Variants in WNK1 observed in about 807,000 individuals in gnomAD.
WNK1 encodes serine/threonine-protein kinase WNK1.
In WNK1, 38 loss-of-function variants were observed where a neutral mutation model predicts 222.8. That is an observed-to-expected ratio of 0.17 (90% confidence interval 0.13 to 0.22). The LOEUF (loss-of-function observed/expected upper bound fraction) is 0.22, where lower values mean the gene tolerates loss of function less well. Among genes scored for constraint, WNK1 ranks in the 10% least tolerant of loss-of-function variants. WNK1 has a pLI of 1.00. For synonymous variants in WNK1, 1,090 were observed against 1,092.9 expected, an observed-to-expected ratio of 1.00 and a Z score of 0.05; for missense variants, 2,348 against 2,918.4, an observed-to-expected ratio of 0.80 and a Z score of 4.50.
intron 2 of WNK1, among the ~76,000 whole-genome samples, chr12:825,414 T>C (rs1419657652): frequency 6.6e-6 from 1 of 152,202 alleles, no homozygotes; most frequent in African/African-American, 2.4e-5. Context: ...ACAATTTATT[T>C]AGGACTAATA....
intron 23 of WNK1, among the ~76,000 whole-genome samples, chr12:895,723 T>C (rs1241691261): frequency 6.6e-6 from 1 of 152,254 alleles, no homozygotes; most frequent in African/African-American, 2.4e-5. Context: ...CCTCCCAAAA[T>C]GGTGGGCTTA....
chr12:882,256 G>A (rs1484501854), intron 14 of WNK1, among the ~76,000 whole-genome samples, 183 bp downstream of exon 14: 3 of 152,128 alleles, frequency 2.0e-5, no homozygotes, highest in South Asian at 2.1e-4. Flanking sequence ...GAGTGCAGTG[G>A]CATGATCTCT....
chr12:785,404 C>CG (rs1555087973), intron 1 of WNK1, among the ~76,000 whole-genome samples: 1 of 39,456 alleles, frequency 2.5e-5, no homozygotes, highest in Admixed American at 2.9e-4. Context: ...TTTCTCCCCC[C>CG]CCCCCACCCC....
At chr12:866,600 T>TCCA (rs1951688903) in intron 8 of WNK1, among the ~76,000 whole-genome samples, 1 of 152,020 alleles carries the variant, frequency 6.6e-6, no homozygotes, top group African/African-American at 2.4e-5. Flanking sequence ...GACATTGTGA[T>TCCA]CCACCCCCTT....
intron 8 of WNK1, among the ~76,000 whole-genome samples, chr12:869,768 G>T (rs537460178): frequency 1.3e-5 from 2 of 151,308 alleles, no homozygotes; most frequent in African/African-American, 4.8e-5. Context: ...TAAAATTAAG[G>T]ACTGATTCTA....
intron 26 of WNK1, among the ~76,000 whole-genome samples, chr12:903,138 C>G (rs1158149034): frequency 1.3e-5 from 2 of 152,310 alleles, no homozygotes; most frequent in East Asian, 3.9e-4. Context: ...TTATTTTTAC[C>G]TGCATTAGAA....
intron 1 of WNK1, among the ~76,000 whole-genome samples, chr12:797,857 G>A (rs938978611): frequency 4.0e-5 from 6 of 150,942 alleles, no homozygotes; most frequent in Non-Finnish European, 5.9e-5. Context: ...GCTGAGACAG[G>A]ATAATCGCTT....
intron 9 of WNK1, among the ~76,000 whole-genome samples, chr12:877,344 C>T (rs1467061403): frequency 1.3e-5 from 2 of 152,008 alleles, no homozygotes; most frequent in South Asian, 2.1e-4. Context: ...GGATTACAGG[C>T]GTGAGCCACC....
chr12:883,947 G>A, intron 17 of WNK1, 116 bp downstream of exon 17: 1 of 1,492,818 alleles, frequency 6.7e-7, no homozygotes, highest in Non-Finnish European at 9.2e-7. Flanking sequence ...AGAATCGCTT[G>A]AACCCAGGAG....
chr12:863,101 TA>T (rs72648700), intron 8 of WNK1, among the ~76,000 whole-genome samples: 4,303 of 152,288 alleles, frequency 0.028, 207 homozygotes, highest in African/African-American at 0.097. Context: ...AGAAAATAAG[TA>T]ACTTGTCACT....
chr12:777,447 C>T (rs748822990), intron 1 of WNK1, among the ~76,000 whole-genome samples: 6 of 151,964 alleles, frequency 3.9e-5, no homozygotes, highest in African/African-American at 7.2e-5. Context: ...TGTGAGCCAC[C>T]GCGCCCAGCC....
chr12:896,894 AC>A lies in WNK1; in HGVS notation c.6245+163del, dbSNP rs1954782626. On this transcript the variant is annotated intron_variant, in intron 24 of 27. Coordinates refer to ENST00000315939, the MANE Select transcript of WNK1 (RefSeq NM_018979.4). ...CACCCCATACCTCCCCACCACACAC[AC>A]ACACACACACACACACACACACACA... 2.8e-3 allele frequency among the ~76,000 whole-genome samples: 3 copies of A among 1,074 alleles called. No individual in the cohort carries two copies. The South Asian group carries it at 0.11, about 38-fold the overall frequency. The allele number at this position is 1,074 out of a possible 152,430, so 0.7% of individuals were successfully genotyped here.
chr12:869,004 T>TA (rs1332322944), intron 8 of WNK1: 2 of 1,610,364 alleles, frequency 1.2e-6, no homozygotes, highest in Non-Finnish European at 1.7e-6. Context: ...CAGACAGTGT[T>TA]ACAAGAATCC....
intron 2 of WNK1, among the ~76,000 whole-genome samples, chr12:823,816 A>G (rs1373447967): frequency 2.6e-5 from 4 of 151,916 alleles, no homozygotes; most frequent in East Asian, 1.9e-4. Context: ...GGAGCTTTTC[A>G]GCAACTGGGC....
chr12:902,276 C>T (rs1395261323), intron 26 of WNK1, among the ~76,000 whole-genome samples: 1 of 152,054 alleles, frequency 6.6e-6, no homozygotes, highest in Non-Finnish European at 1.5e-5. Flanking sequence ...GCACCCCAGC[C>T]TGAGCGACAG....
chr12:907,995 C>G lies in WNK1; in HGVS notation c.6792C>G (p.Leu2264=). The G allele has an allele frequency of 3.1e-6, 5 of 1,614,124 alleles. No homozygotes were observed. The highest frequency in any genetic ancestry group is 8.5e-7 in the Non-Finnish European group (1 of 1,180,046). ...VDNWARDAMN[L]SGRRGSKGHM... is the part of the protein sequence containing the mutation. ...ATTGGGCCCGAGATGCCATGAATCT[C>G]TCAGGCAGGAGAGGAAGCAAAGGGC... Residue 2264 remains leucine, a synonymous_variant, in exon 27 of 28, where the codon CTC becomes CTG. Coordinates refer to ENST00000315939, the MANE Select transcript of WNK1 (RefSeq NM_018979.4).
At chr12:906,730 T>C (rs768586548) in intron 26 of WNK1, 9 of 985,312 alleles carry the variant, frequency 9.1e-6, no homozygotes, top group Non-Finnish European at 1.1e-5. Flanking sequence ...ACTTCTCTTA[T>C]TACCTCTCTC....
At position 837,263 on chromosome 12, in the gene WNK1, T is replaced by C. The variant is rs1456910292; in HGVS notation, c.1311+7103T>C. Among the ~76,000 whole-genome samples, 4 of 152,154 alleles carry C rather than the reference T, an allele frequency of 2.6e-5. No individual in the cohort carries two copies. In the South Asian group the frequency reaches 6.2e-4, roughly 24 times the overall value. On this transcript the variant is annotated intron_variant, in intron 4 of 27. Transcript: ENST00000315939. ...TTTGCCTTATTTGAACACTCAGCAATGTATGAGTGGTTGAAATACAGCCGT... is the reference window on the plus strand; with the variant it reads ...TTTGCCTTATTTGAACACTCAGCAACGTATGAGTGGTTGAAATACAGCCGT...
At chr12:783,135 G>A (rs1404846301) in intron 1 of WNK1, among the ~76,000 whole-genome samples, 6 of 151,606 alleles carry the variant, frequency 4.0e-5, no homozygotes, top group African/African-American at 1.2e-4. Flanking sequence ...CACTGGTCTC[G>A]AACTCCTGGC....
Sources: gnomAD v4.1 joint callset for allele counts (sites outside exome capture counted in the v4.1 genomes callset) on GRCh38, gnomAD v4.1.1 for gene constraint, MANE v1.5 for transcripts, NCBI Gene and HGNC (gene_info 2026-07-23, HGNC 2026-07-21) for gene names.